DAZL: variants seen among roughly 807,000 people sequenced by gnomAD.
The protein encoded by DAZL is deleted in azoospermia-like.
Under a neutral mutation model 45.0 loss-of-function variants are expected in DAZL, and 4 were observed. That is an observed-to-expected ratio of 0.09 (90% CI 0.04 to 0.20). DAZL has a LOEUF of 0.20. Ranked by LOEUF, DAZL falls within the 10% of genes least tolerant of loss-of-function variation. The pLI, the probability that DAZL is intolerant of heterozygous loss-of-function variation, is 1.00. For missense variants in DAZL, 326 were observed against 351.3 expected, an observed-to-expected ratio of 0.93 and a Z score of 0.58; for synonymous variants, 122 against 112.4, an observed-to-expected ratio of 1.09 and a Z score of -0.54.
intron 1 of DAZL, chr3:16,604,823 C>T (rs1405703500): frequency 5.4e-6 from 4 of 744,592 alleles, no homozygotes; most frequent in Middle Eastern, 4.1e-4. Context: ...AGTGGGGGAG[C>T]GCGTGGGAGT....
intron 1 of DAZL, among the ~76,000 whole-genome samples, chr3:16,600,226 G>A (rs1248454154): frequency 1.3e-5 from 2 of 152,212 alleles, no homozygotes; most frequent in Admixed American, 1.3e-4. Flanking sequence ...GAAAGCAACT[G>A]TTATCTTTTT....
intron 9 of DAZL, among the ~76,000 whole-genome samples, chr3:16,592,713 A>G (rs1165841934): frequency 1.3e-5 from 2 of 152,224 alleles, no homozygotes; most frequent in African/African-American, 4.8e-5. Flanking sequence ...TTAAATCCCT[A>G]AGTGAACTCC....
intron 10 of DAZL, among the ~76,000 whole-genome samples, chr3:16,589,554 C>T (rs1694487089): frequency 6.6e-6 from 1 of 152,134 alleles, no homozygotes; most frequent in Admixed American, 6.5e-5. Context: ...AGAATCAAGA[C>T]AGTGAAGAGT....
chr3:16,604,338 A>C lies in DAZL; in HGVS notation c.3+865T>G, dbSNP rs1451713260. On this transcript the variant is annotated intron_variant, in intron 1 of 10. Transcript: ENST00000399444. Reference sequence around the variant, plus strand: ...AAACGCACACCCAACGCTATCTACCAAATGGACATTTTGTCAAAGGATCCT... The same window carrying C: ...AAACGCACACCCAACGCTATCTACCCAATGGACATTTTGTCAAAGGATCCT... 3.6e-6 allele frequency: 4 copies of C among 1,102,974 alleles called. No individual in the cohort carries two copies. The African/African-American group carries it at 6.3e-5, about 17-fold the overall frequency. 68.3% of individuals were successfully genotyped at this position (1,102,974 alleles called of 1,614,324 possible). A position where few individuals can be genotyped will look rare whatever the true frequency, so the allele number is the denominator to read the frequency against.
chr3:16,605,121 C>T (rs535851844), intron 1 of DAZL, 82 bp downstream of exon 1: 37 of 1,575,354 alleles, frequency 2.3e-5, no homozygotes, highest in Non-Finnish European at 2.9e-5. Context: ...GATGACTTCA[C>T]TTTCCGACCC....
chr3:16,604,527 G>C (rs1420338655), intron 1 of DAZL: 3 of 1,488,540 alleles, frequency 2.0e-6, no homozygotes, highest in African/African-American at 1.4e-5. Context: ...CAGCTGACAG[G>C]CGCGAGGGGA....
chr3:16,593,611 A>G, intron 9 of DAZL, 44 bp downstream of exon 9: 2 of 1,246,876 alleles, frequency 1.6e-6, no homozygotes, highest in Non-Finnish European at 2.3e-6. Context: ...TTAAAACTAG[A>G]AAAAATAAAT....
chr3:16,601,482 T>C (rs1051064624), intron 1 of DAZL, among the ~76,000 whole-genome samples: 1 of 152,222 alleles, frequency 6.6e-6, no homozygotes, highest in Non-Finnish European at 1.5e-5. Flanking sequence ...TACTTCATTT[T>C]TACCACGGCT....
intron 1 of DAZL, among the ~76,000 whole-genome samples, chr3:16,603,143 A>G (rs1319428387): frequency 6.6e-6 from 1 of 152,222 alleles, no homozygotes; most frequent in Non-Finnish European, 1.5e-5. Flanking sequence ...AAATACTGAT[A>G]CATTCTTTAC....
At chr3:16,601,459 A>C (rs1485026088) in intron 1 of DAZL, among the ~76,000 whole-genome samples, 1 of 152,224 alleles carries the variant, frequency 6.6e-6, no homozygotes, top group Non-Finnish European at 1.5e-5. Flanking sequence ...CAAAGCTAAC[A>C]AAGTAAGCAA....
intron 9 of DAZL, 126 bp downstream of exon 9, chr3:16,593,529 T>C: frequency 1.5e-6 from 1 of 647,986 alleles, no homozygotes; most frequent in Admixed American, 2.7e-5. Context: ...GCCAGTCAAC[T>C]AACTCTTCTC....
At chr3:16,598,658 G>A (rs1005330680) in intron 1 of DAZL, 60 bp from the exon 2 acceptor site, 6 of 1,498,104 alleles carry the variant, frequency 4.0e-6, no homozygotes, top group South Asian at 1.2e-5. Context: ...TACATAATGT[G>A]AAATATAATT....
At chr3:16,604,852 T>A in intron 1 of DAZL, 1 of 567,676 alleles carries the variant, frequency 1.8e-6, no homozygotes, top group South Asian at 2.1e-5. Flanking sequence ...GGTGGGGCAG[T>A]CGGGGGTGGG....
intron 9 of DAZL, among the ~76,000 whole-genome samples, chr3:16,593,087 A>G (rs73035065): frequency 0.2 from 31,094 of 152,176 alleles, 3,911 homozygotes; most frequent in African/African-American, 0.34. Context: ...GTTTAAGTAA[A>G]TATCAAAATT....
At chr3:16,605,082 G>A (rs1440209316) in intron 1 of DAZL, 121 bp downstream of exon 1, 5 of 1,282,602 alleles carry the variant, frequency 3.9e-6, no homozygotes, top group South Asian at 3.6e-5. Context: ...GTGCGTCCAG[G>A]CAGGTGCCCC....
intron 7 of DAZL, among the ~76,000 whole-genome samples, chr3:16,594,957 T>TG (rs1694575454): frequency 1.3e-5 from 2 of 152,100 alleles, no homozygotes; most frequent in African/African-American, 4.8e-5. Context: ...AATTCTGTGC[T>TG]CTAAGAATTG....
At chr3:16,596,169 C>A (rs1395127937) in intron 6 of DAZL, among the ~76,000 whole-genome samples, 1 of 151,862 alleles carries the variant, frequency 6.6e-6, no homozygotes, top group Non-Finnish European at 1.5e-5. Context: ...TAAACTAAAT[C>A]GTTAAATAAA....
intron 1 of DAZL, among the ~76,000 whole-genome samples, chr3:16,603,849 C>A (rs1343494635): frequency 6.6e-6 from 1 of 152,114 alleles, no homozygotes; most frequent in Non-Finnish European, 1.5e-5. Context: ...GCAATACATG[C>A]ATAAAAATAA....
intron 1 of DAZL, among the ~76,000 whole-genome samples, chr3:16,599,870 T>G (rs549109662): frequency 1.3e-5 from 2 of 152,336 alleles, no homozygotes; most frequent in East Asian, 3.9e-4. Flanking sequence ...GCCACTTACT[T>G]GCCAGCCGTG....
Sources: allele counts gnomAD v4.1 joint callset (sites outside exome capture counted in the v4.1 genomes callset), GRCh38; gene constraint gnomAD v4.1.1; transcripts MANE v1.5; gene names NCBI Gene and HGNC (gene_info 2026-07-23, HGNC 2026-07-21).